NTRK2: variants seen among roughly 807,000 people sequenced by gnomAD.
The protein encoded by NTRK2 is BDNF/NT-3 growth factors receptor.
NTRK2 carries 13 observed loss-of-function variants against 94.5 expected under a neutral mutation model. That is an observed-to-expected ratio of 0.14 (90% CI 0.09 to 0.22). The LOEUF (loss-of-function observed/expected upper bound fraction) is 0.22, where lower values mean the gene tolerates loss of function less well. Ranked by LOEUF, NTRK2 falls within the 10% of genes least tolerant of loss-of-function variation. The pLI, the probability that NTRK2 is intolerant of heterozygous loss-of-function variation, is 1.00. For synonymous variants in NTRK2, 372 were observed against 407.4 expected (o/e 0.91, Z 1.05); for missense variants, 639 against 1,071.2 (o/e 0.60, Z 5.63).
chr9:84,940,101 A>G (rs2078354679), intron 15 of NTRK2, among the ~76,000 whole-genome samples: 1 of 152,138 alleles, frequency 6.6e-6, no homozygotes, highest in Admixed American at 6.5e-5. Flanking sequence ...TGGGTCACAT[A>G]CTGACCCTTG....
At chr9:84,863,875 T>G (rs912040974) in intron 13 of NTRK2, among the ~76,000 whole-genome samples, 3 of 152,210 alleles carry the variant, frequency 2.0e-5, no homozygotes, top group African/African-American at 7.2e-5. Context: ...TTACCTGTGG[T>G]GCTTTTTACT....
chr9:84,960,525 G>A (rs56075031), intron 17 of NTRK2, among the ~76,000 whole-genome samples: 17,114 of 152,150 alleles, frequency 0.11, 1,056 homozygotes, highest in Admixed American at 0.16. Context: ...ATAGGTAGGT[G>A]GATGGATGGA....
chr9:85,005,195 A>G (rs112426722), intron 17 of NTRK2, among the ~76,000 whole-genome samples: 2,771 of 152,300 alleles, frequency 0.018, 73 homozygotes, highest in African/African-American at 0.063. Context: ...ATCAAAGAGG[A>G]AGAGACTCCC....
At chr9:84,944,501 G>A (rs2078529695) in intron 15 of NTRK2, among the ~76,000 whole-genome samples, 1 of 152,182 alleles carries the variant, frequency 6.6e-6, no homozygotes, top group Admixed American at 6.5e-5. Flanking sequence ...ATTTGTTCAT[G>A]CCTTGTGATA....
chr9:84,874,827 T>C (rs1161751524), intron 14 of NTRK2: 2 of 1,057,720 alleles, frequency 1.9e-6, no homozygotes, highest in African/African-American at 3.3e-5. Flanking sequence ...TCCTGTTATG[T>C]GAAACTTTCA....
At chr9:85,011,923 C>A (rs1831622360) in intron 17 of NTRK2, among the ~76,000 whole-genome samples, 1 of 143,558 alleles carries the variant, frequency 7.0e-6, no homozygotes, top group Admixed American at 7.3e-5. Context: ...CCTGACCTAC[C>A]CCACAGGACT....
At chr9:84,739,485 A>AGTGTGTTTGGATGTTCCTGTTCTGCAAC (rs2063487938) in intron 9 of NTRK2, among the ~76,000 whole-genome samples, 1 of 152,176 alleles carries the variant, frequency 6.6e-6, no homozygotes, top group Non-Finnish European at 1.5e-5. Context: ...TCGTGTGGGT[A>AGTGTGTTTGGATGTTCCTGTTCTGCAAC]GTGTGTTTGG....
chr9:84,745,026 A>T lies in NTRK2; in HGVS notation c.1249A>T (p.Ile417Phe). ...GGACACCACGAACAGAAGTAATGAA[A>T]TCCCTTCCACAGACGTCACTGATAA... ...IGDTTNRSNE[I>F]PSTDVTDKTG... The change falls in exon 11 of 19, where the codon ATC becomes TTC. Residue 417 changes from isoleucine to phenylalanine, a missense_variant. By Grantham distance (21) the Ile-to-Phe change is conservative. Around this residue, in one of 5 missense-constraint regions of NTRK2, gnomAD observed 343 missense variants for 571.5 expected, o/e 0.60. Transcript: ENST00000277120. 2 of 1,613,704 alleles carry T rather than the reference A, an allele frequency of 1.2e-6. No homozygotes were observed. The highest frequency in any genetic ancestry group is 1.7e-6 in the Non-Finnish European group (2 of 1,179,992).
chr9:84,972,102 C>T lies in NTRK2; in HGVS notation c.2172+16585C>T, dbSNP rs115340218. ...GGGGGGTATCCAAATAGTTGAACAA[C>T]GCCAAGGTGGGAGAGTTGGGAGAGC... is the stretch of plus-strand genomic sequence containing the variant. On this transcript the variant is annotated intron_variant, in intron 17 of 18. Transcript: ENST00000277120. 6.9e-3 allele frequency among the ~76,000 whole-genome samples: 1,047 copies of T among 152,236 alleles called. 19 individuals carry two copies. Among genetic ancestry groups the T allele is most frequent in the African/African-American group, 0.024 (986 of 41,534 alleles).
At chr9:84,893,637 G>T (rs1229488548) in intron 14 of NTRK2, among the ~76,000 whole-genome samples, 4 of 152,188 alleles carry the variant, frequency 2.6e-5, no homozygotes, top group Admixed American at 6.5e-5. Flanking sequence ...GTCTGCCTTT[G>T]TGTCTGTGAA....
intron 12 of NTRK2, among the ~76,000 whole-genome samples, chr9:84,759,744 C>A (rs1305577345): frequency 1.3e-5 from 2 of 152,204 alleles, no homozygotes; most frequent in South Asian, 4.1e-4. Context: ...TTCTTTTCCC[C>A]CTTCACTTCT....
intron 2 of NTRK2, among the ~76,000 whole-genome samples, chr9:84,686,679 C>G (rs1002876992): frequency 6.6e-6 from 1 of 152,160 alleles, no homozygotes; most frequent in Non-Finnish European, 1.5e-5. Flanking sequence ...CCATCTGATA[C>G]ATATACTTTT....
chr9:84,936,614 T>C (rs1280904657), intron 15 of NTRK2, among the ~76,000 whole-genome samples: 3 of 152,158 alleles, frequency 2.0e-5, no homozygotes, highest in Non-Finnish European at 4.4e-5. Context: ...AAGTAAGTAT[T>C]TGCAAAGTAA....
intron 13 of NTRK2, among the ~76,000 whole-genome samples, chr9:84,863,894 G>A (rs975261849): frequency 3.3e-5 from 5 of 152,280 alleles, no homozygotes; most frequent in South Asian, 2.1e-4. Context: ...CTGCTTCTAC[G>A]CTTAATCCTC....
intron 10 of NTRK2, among the ~76,000 whole-genome samples, chr9:84,742,790 T>C (rs1003624204): frequency 0.014 from 17 of 1,218 alleles, no homozygotes; most frequent in Admixed American, 0.033. Context: ...ATTATATTAG[T>C]TTTTTTTTTT....
At chr9:84,922,410 G>A (rs186845887) in intron 14 of NTRK2, among the ~76,000 whole-genome samples, 98 of 152,294 alleles carry the variant, frequency 6.4e-4, no homozygotes, top group African/African-American at 2.2e-3. Context: ...TATTTTTTAC[G>A]TGTGTTATGG....
chr9:84,835,001 T>C (rs138730298), intron 12 of NTRK2, among the ~76,000 whole-genome samples: 1 of 152,288 alleles, frequency 6.6e-6, no homozygotes, highest in African/African-American at 2.4e-5. Context: ...TTCCTGGTAG[T>C]GGGTATGGCC....
chr9:84,885,746 G>A (rs1346679816), intron 14 of NTRK2, among the ~76,000 whole-genome samples: 1 of 152,202 alleles, frequency 6.6e-6, no homozygotes, highest in African/African-American at 2.4e-5. Flanking sequence ...AGAATTAGCT[G>A]GTTGGGCCTG....
chr9:84,956,609 A>G (rs1824165893), intron 17 of NTRK2, among the ~76,000 whole-genome samples: 1 of 152,238 alleles, frequency 6.6e-6, no homozygotes, highest in Non-Finnish European at 1.5e-5. Flanking sequence ...TTAACAGCAT[A>G]AAGCACAGAA....
Sources: gnomAD v4.1 joint callset for allele counts (sites outside exome capture counted in the v4.1 genomes callset) on GRCh38, gnomAD v4.1.1 for gene constraint, gnomAD v4.1.1 regional missense constraint, MANE v1.5 for transcripts, NCBI Gene and HGNC (gene_info 2026-07-23, HGNC 2026-07-21) for gene names.